The following WDR38 variants were observed in gnomAD, a reference collection of about 807,000 sequenced individuals.
The protein encoded by WDR38 is WD repeat domain 38.
WDR38 carries 37 observed loss-of-function variants against 36.6 expected under a neutral mutation model. The ratio of observed to expected loss-of-function variants is 1.01; its 90% confidence interval spans 0.78 to 1.33. The LOEUF (loss-of-function observed/expected upper bound fraction) is 1.33, where lower values mean the gene tolerates loss of function less well. WDR38 is among the 40% of genes most tolerant of loss of function. The pLI is 0.00. For synonymous variants in WDR38, 164 were observed against 168.1 expected (o/e 0.98, Z 0.19); for missense variants, 411 against 414.6 (o/e 0.99, Z 0.07).
At chr9:124,853,928 C>A (rs1440445501) in intron 1 of WDR38, among the ~76,000 whole-genome samples, 1 of 152,174 alleles carries the variant, frequency 6.6e-6, no homozygotes, top group Non-Finnish European at 1.5e-5. Context: ...AGAGTAGATT[C>A]TGGACTCTCC....
rs371583903 is a variant in WDR38, at chr9:124,856,095, C to T, written c.405+137C>T. ...GCCCACAGCAGGCAACCAAGGCTGC[C>T]CCCACCTGGCCACAGCCGCCTCTCC... is the stretch of plus-strand genomic sequence containing the variant. On this transcript the variant is annotated intron_variant, in intron 4 of 8. Transcript: ENST00000373574. 87 of 1,508,488 alleles carry T rather than the reference C, an allele frequency of 5.8e-5. No homozygotes were observed. In the South Asian group the frequency reaches 9.5e-4, roughly 16 times the overall value. 93.4% of individuals were successfully genotyped at this position (1,508,488 alleles called of 1,614,324 possible).
chr9:124,854,321 C>T lies in WDR38; in HGVS notation c.186C>T (p.His62=). The change falls in exon 2 of 9, where the codon CAC becomes CAT. Residue 62 remains histidine (H), a synonymous_variant. Transcript: ENST00000373574. ...SGQLLWRLGG[H]TGPVKFCRFS... ...AGCTGCTGTGGAGGCTGGGTGGCCACACAGGTGGGGCTCCCACACCTGGCC... is the reference window on the plus strand; with the variant it reads ...AGCTGCTGTGGAGGCTGGGTGGCCATACAGGTGGGGCTCCCACACCTGGCC... 6.2e-7 allele frequency: 1 copy of T among 1,613,704 alleles called. No individual in the cohort carries two copies. Among genetic ancestry groups the T allele is most frequent in the Non-Finnish European group, 8.5e-7 (1 of 1,179,928 alleles).
In WDR38 at chr9:124,853,490, C is replaced by A. The variant is rs1828959691; in HGVS notation, c.-42C>A. ...GCCCAGTCCTGGGGTCCCGCGGCCG[C>A]CTAGGAGGGAGCCCGCCGGGGCGGG... On this transcript the variant is annotated 5_prime_UTR_variant, in exon 1 of 9. Coordinates refer to ENST00000373574, the MANE Select transcript of WDR38 (RefSeq NM_001045476.3). 8.2e-7 allele frequency: 1 copy of A among 1,225,096 alleles called. No individual in the cohort carries two copies. The highest frequency in any genetic ancestry group is 4.2e-5 in the Admixed American group (1 of 23,708). The allele number at this position is 1,225,096 out of a possible 1,614,324, so 75.9% of individuals were successfully genotyped here. A position where few individuals can be genotyped will look rare whatever the true frequency, so the allele number is the denominator to read the frequency against.
intron 6 of WDR38, 30 bp from the exon 7 acceptor site, chr9:124,856,702 C>T: frequency 6.2e-7 from 1 of 1,614,084 alleles, no homozygotes; most frequent in Non-Finnish European, 8.5e-7. Flanking sequence ...AGGCCCCAAA[C>T]CCTGGGGATC....
At position 124,857,656 on chromosome 9, in the gene WDR38, C is replaced by A. The variant is rs1378365517; in HGVS notation, c.*26C>A. 1 of 1,612,864 alleles carries A rather than the reference C, an allele frequency of 6.2e-7. No homozygotes were observed. Among genetic ancestry groups the A allele is most frequent in the Non-Finnish European group, 8.5e-7 (1 of 1,179,932 alleles). ...CACCAACCACCTTAGATGGTGCCGA[C>A]CTCACCCGCTCCCCTCAGTGGCGCA... On this transcript the variant is annotated 3_prime_UTR_variant, in exon 9 of 9. Transcript: ENST00000373574.
At chr9:124,856,089 G>A in intron 4 of WDR38, 131 bp downstream of exon 4, 1 of 1,520,958 alleles carries the variant, frequency 6.6e-7, no homozygotes, top group Admixed American at 1.9e-5. Flanking sequence ...AGGCAACCAA[G>A]GCTGCCCCCA....
chr9:124,857,378 C>T lies in WDR38; in HGVS notation c.783C>T (p.Asp261=), dbSNP rs759985135. The T allele has an allele frequency of 6.2e-7, 1 of 1,614,092 alleles. No individual in the cohort carries two copies. Among genetic ancestry groups the T allele is most frequent in the East Asian group, 2.2e-5 (1 of 44,866 alleles). The part of the protein sequence containing the change: ...AGYSRMVKVW[D]CNTGKCLETL... ...TCCTTTTCCAGGTCAAAGTCTGGGA[C>T]TGCAACACAGGAAAGTGCCTTGAGA... Residue 261 remains aspartate (D), a synonymous_variant, in exon 8 of 9, where the codon GAC becomes GAT. Transcript: ENST00000373574.
intron 1 of WDR38, 89 bp downstream of exon 1, chr9:124,853,689 TG>T: frequency 1.9e-6 from 2 of 1,036,986 alleles, no homozygotes; most frequent in Non-Finnish European, 2.5e-6. Context: ...GAATGTTCTC[TG>T]GGCAGTGGCT....
chr9:124,856,375 G>C, intron 5 of WDR38, 55 bp downstream of exon 5: 1 of 1,613,494 alleles, frequency 6.2e-7, no homozygotes, highest in Non-Finnish European at 8.5e-7. Context: ...CCCACTTGGA[G>C]CTGAGTGGTG....
At position 124,856,580 on chromosome 9, in the gene WDR38, T is replaced by C; in HGVS notation, c.598T>C (p.Tyr200His). The C allele has an allele frequency of 3.1e-6, 5 of 1,613,968 alleles. No individual in the cohort carries two copies. The South Asian group carries it at 5.5e-5, about 18-fold the overall frequency. The change falls in exon 6 of 9, where the codon TAT (tyrosine) becomes CAT (histidine). Residue 200 changes from tyrosine (Y) to histidine (H), a missense_variant. Tyr to His is a moderately conservative substitution (Grantham distance 83). Coordinates refer to ENST00000373574, the MANE Select transcript of WDR38 (RefSeq NM_001045476.3). ...CAGTGCCAACATCAGCTGCCTGTGC[T>C]ATTCAGCATCCGGCCTCCTGGTAAG... ...GHSANISCLC[Y>H]SASGLLASGS...
In WDR38 at chr9:124,857,389, G is replaced by C. The variant is rs764363119; in HGVS notation, c.794G>C (p.Gly265Ala). Reference protein sequence around the residue: ...RMVKVWDCNTGKCLETLKGVL... With the variant: ...RMVKVWDCNTAKCLETLKGVL... The stretch of plus-strand genomic sequence containing the variant: ...GTCAAAGTCTGGGACTGCAACACAG[G>C]AAAGTGCCTTGAGACCCTGAAGGTA... Residue 265 changes from glycine to alanine, a missense_variant, in exon 8 of 9, where the codon GGA (glycine) becomes GCA (alanine). Physicochemically the swap from Gly to Ala is moderately conservative, Grantham distance 60. Transcript: ENST00000373574. 17 of 1,614,160 alleles carry C rather than the reference G, an allele frequency of 1.1e-5. No individual in the cohort carries two copies. In the South Asian group the frequency reaches 1.8e-4, roughly 17 times the overall value.
intron 2 of WDR38, among the ~76,000 whole-genome samples, chr9:124,854,993 C>T (rs1829010760): frequency 6.6e-6 from 1 of 152,198 alleles, no homozygotes; most frequent in Admixed American, 6.5e-5. Flanking sequence ...CCCAATCTCC[C>T]TCCTCCCAGC....
In WDR38 at chr9:124,853,509, G is replaced by A; in HGVS notation, c.-23G>A. Reference sequence around the variant, plus strand: ...CGGCCGCCTAGGAGGGAGCCCGCCGGGGCGGGGCGGGGCCGGGTGCCCATG... The same window carrying A: ...CGGCCGCCTAGGAGGGAGCCCGCCGAGGCGGGGCGGGGCCGGGTGCCCATG... On this transcript the variant is annotated 5_prime_UTR_variant, in exon 1 of 9. Transcript: ENST00000373574. The A allele has an allele frequency of 8.1e-7, 1 of 1,240,182 alleles. No homozygotes were observed. Among genetic ancestry groups the A allele is most frequent in the Non-Finnish European group, 1.0e-6 (1 of 985,782 alleles). The allele number at this position is 1,240,182 out of a possible 1,614,324, so 76.8% of individuals were successfully genotyped here.
In WDR38 at chr9:124,855,659, C is replaced by A. The variant is rs1251603638; in HGVS notation, c.216C>A (p.Ser72=). The change falls in exon 3 of 9, where the codon TCC becomes TCA. Residue 72 remains serine, a synonymous_variant. Transcript: ENST00000373574. ...GCCCCGTGAAGTTCTGCCGCTTCTC[C>A]CCTGATGGCCACCTCTTCGCCAGCG... ...HTGPVKFCRF[S]PDGHLFASAS... The A allele has an allele frequency of 6.2e-7, 1 of 1,612,158 alleles. No individual in the cohort carries two copies. The highest frequency in any genetic ancestry group is 1.1e-5 in the South Asian group (1 of 91,082).
Position 124,856,301 on chromosome 9 carries a change from C to T in WDR38, c.467C>T (p.Ser156Leu), listed in dbSNP as rs140536009. 1 of 1,614,230 alleles carries T rather than the reference C, an allele frequency of 6.2e-7. No individual in the cohort carries two copies. The highest frequency in any genetic ancestry group is 2.2e-5 in the East Asian group (1 of 44,894). Residue 156 changes from serine (S) to leucine (L), a missense_variant, in exon 5 of 9, where the codon TCA becomes TTA. By Grantham distance (145) the Ser-to-Leu change is moderately radical. Transcript: ENST00000373574. ...GACTCCATCCAGAGCAGCGACTTCT[C>T]ACCCACGGTGAACTGCCTGGTGAGC... ...HRDSIQSSDF[S>L]PTVNCLATGS...
At position 124,856,549 on chromosome 9, in the gene WDR38, G is replaced by A. The variant is rs1260250232; in HGVS notation, c.567G>A (p.Glu189=). The change falls in exon 6 of 9, where the codon GAG becomes GAA. Residue 189 remains glutamate (E), a synonymous_variant. Transcript: ENST00000373574. The part of the protein sequence containing the change: ...VTPAVSHQAL[E]GHSANISCLC... ...CAGCAGTCTCCCACCAGGCGCTAGAGGGACACAGTGCCAACATCAGCTGCC... is the reference window on the plus strand; with the variant it reads ...CAGCAGTCTCCCACCAGGCGCTAGAAGGACACAGTGCCAACATCAGCTGCC... 3.7e-6 allele frequency: 6 copies of A among 1,613,334 alleles called. No individual in the cohort carries two copies. The African/African-American group carries it at 6.7e-5, about 18-fold the overall frequency.
In WDR38 at chr9:124,856,045, C is replaced by G; in HGVS notation, c.405+87C>G. On this transcript the variant is annotated intron_variant, in intron 4 of 8. Transcript: ENST00000373574. ...ACCAGTCTTGCCCTCCCAGCTCAAACCCTCCACTGGTTCCCATGGCCCATG... is the reference window on the plus strand; with the variant it reads ...ACCAGTCTTGCCCTCCCAGCTCAAAGCCTCCACTGGTTCCCATGGCCCATG... 6.4e-6 allele frequency: 10 copies of G among 1,570,262 alleles called. No individual in the cohort carries two copies. In the Admixed American group the frequency reaches 1.6e-4, roughly 26 times the overall value.
intron 8 of WDR38, 41 bp from the exon 9 acceptor site, chr9:124,857,461 A>C (rs939018888): frequency 3.1e-6 from 5 of 1,614,050 alleles, no homozygotes; most frequent in Non-Finnish European, 4.2e-6. Context: ...GCTTCTCCCA[A>C]GGCAGGACTT....
intron 2 of WDR38, 34 bp downstream of exon 2, chr9:124,854,359 G>A (rs962731272): frequency 2.7e-5 from 44 of 1,610,736 alleles, no homozygotes; most frequent in Non-Finnish European, 3.6e-5. Flanking sequence ...GAAGACCGAG[G>A]CACAAGGGTC....
Sources: allele counts gnomAD v4.1 joint callset (sites outside exome capture counted in the v4.1 genomes callset), GRCh38; gene constraint gnomAD v4.1.1; transcripts MANE v1.5; gene names NCBI Gene and HGNC (gene_info 2026-07-23, HGNC 2026-07-21).